MOB1B: variants seen among roughly 807,000 people sequenced by gnomAD.
MOB1B encodes the protein MOB1 Mps One Binder homolog B.
In MOB1B, 19 loss-of-function variants were observed where a neutral mutation model predicts 24.4. The observed-to-expected ratio is 0.78, with a 90% CI of 0.54 to 1.14. MOB1B has a LOEUF of 1.14. Ranked by LOEUF, MOB1B falls within the 50% of genes most tolerant of loss-of-function variation. MOB1B has a pLI of 0.00. For synonymous variants in MOB1B, 76 were observed against 82.1 expected (o/e 0.93, Z 0.40); for missense variants, 243 against 259.6 (o/e 0.94, Z 0.44).
At chr4:70,972,146 C>G (rs565999962) in intron 3 of MOB1B, among the ~76,000 whole-genome samples, 2 of 152,238 alleles carry the variant, frequency 1.3e-5, no homozygotes, top group East Asian at 1.9e-4. Context: ...TTAATAAATG[C>G]TAAGCCCCTT....
intron 1 of MOB1B, among the ~76,000 whole-genome samples, chr4:70,935,108 T>A (rs1737029431): frequency 6.6e-6 from 1 of 152,064 alleles, no homozygotes; most frequent in African/African-American, 2.4e-5. Context: ...TTAAATTTTT[T>A]TGTAGAGATG....
At chr4:70,905,242 CT>C (rs879337441) in intron 1 of MOB1B, among the ~76,000 whole-genome samples, 383 of 143,468 alleles carry the variant, frequency 2.7e-3, no homozygotes, top group Middle Eastern at 3.7e-3. Context: ...AATACTGTTT[CT>C]TTTTTTTTTT....
rs1334766268 is a variant in MOB1B at position 70,976,772 on chromosome 4, A to ATATG, written c.409+1489_409+1490insGTAT. ...GAATTACATATATATATATATATAT[A>ATATG]TATCTCTCTCTCTCAATCATAAGGG... is the stretch of plus-strand genomic sequence containing the variant. On this transcript the variant is annotated intron_variant, in intron 4 of 5. Coordinates refer to ENST00000309395, the MANE Select transcript of MOB1B (RefSeq NM_173468.4). The ATATG allele has an allele frequency of 2.0e-3, 425 of 215,164 alleles. 6 individuals are homozygous for ATATG. Among genetic ancestry groups the ATATG allele is most frequent in the African/African-American group, 8.8e-3 (332 of 37,588 alleles). 13.3% of individuals were successfully genotyped at this position (215,164 alleles called of 1,614,324 possible). A position where few individuals can be genotyped will look rare whatever the true frequency, so the allele number is the denominator to read the frequency against.
At chr4:70,951,891 A>G (rs115567927) in intron 1 of MOB1B, among the ~76,000 whole-genome samples, 89 of 152,330 alleles carry the variant, frequency 5.8e-4, no homozygotes, top group African/African-American at 2.0e-3. Context: ...ACAAAGCACA[A>G]CATTCTCCAT....
At chr4:70,956,201 AGTT>A (rs750880584) in intron 1 of MOB1B, among the ~76,000 whole-genome samples, 1 of 152,140 alleles carries the variant, frequency 6.6e-6, no homozygotes, top group Non-Finnish European at 1.5e-5. Context: ...AAAGTCGCTG[AGTT>A]GTTCTAAGCA....
intron 1 of MOB1B, among the ~76,000 whole-genome samples, chr4:70,914,012 A>G (rs1176622333): frequency 6.6e-6 from 1 of 152,008 alleles, no homozygotes; most frequent in Non-Finnish European, 1.5e-5. Context: ...TGATGGTATT[A>G]GAAGATAGAG....
chr4:70,905,260 A>G (rs563511756), intron 1 of MOB1B, among the ~76,000 whole-genome samples: 162 of 149,250 alleles, frequency 1.1e-3, no homozygotes, highest in African/African-American at 3.8e-3. Context: ...TTTTTTGGAG[A>G]CAGGATCTCA....
intron 1 of MOB1B, 135 bp downstream of exon 1, chr4:70,902,685 G>C (rs1735563817): frequency 1.2e-6 from 1 of 833,248 alleles, no homozygotes; most frequent in African/African-American, 1.9e-5. Flanking sequence ...TCACCACCAA[G>C]CGGGGCCCCG....
Position 70,956,641 on chromosome 4 carries a change from T to G in MOB1B, c.15-2233T>G, listed in dbSNP as rs145778571. Among the ~76,000 whole-genome samples, 294 of 151,812 alleles carry G rather than the reference T, an allele frequency of 1.9e-3. 2 individuals are homozygous for G. Among genetic ancestry groups the G allele is most frequent in the African/African-American group, 6.8e-3 (281 of 41,430 alleles). On this transcript the variant is annotated intron_variant, in intron 1 of 5. Transcript: ENST00000309395. ...AGACAGTTTCACCATGTTGCCCAGA[T>G]TGGCCTGGGCTCAAGCAATCTGCCC...
chr4:70,979,347 C>G (rs1739115180), intron 5 of MOB1B, 56 bp downstream of exon 5: 1 of 1,377,650 alleles, frequency 7.3e-7, no homozygotes, highest in African/African-American at 1.4e-5. Flanking sequence ...CTTCATAGTT[C>G]TAAGGTAAAT....
chr4:70,955,852 CTATT>C (rs1366179773), intron 1 of MOB1B, among the ~76,000 whole-genome samples: 1 of 151,790 alleles, frequency 6.6e-6, no homozygotes, highest in Non-Finnish European at 1.5e-5. Context: ...AGGCATATGT[CTATT>C]TATATTATTA....
chr4:70,936,833 G>T (rs985245413), intron 1 of MOB1B, among the ~76,000 whole-genome samples: 3 of 152,164 alleles, frequency 2.0e-5, no homozygotes, highest in Non-Finnish European at 4.4e-5. Context: ...TTCTAGGGTA[G>T]AAATAATTTT....
intron 2 of MOB1B, among the ~76,000 whole-genome samples, chr4:70,964,965 A>G (rs1318117673): frequency 6.6e-6 from 1 of 151,854 alleles, no homozygotes; most frequent in Non-Finnish European, 1.5e-5. Flanking sequence ...GGTTATCAGT[A>G]AAGAACAGAA....
At chr4:70,963,764 G>A (rs554164962) in intron 2 of MOB1B, among the ~76,000 whole-genome samples, 3 of 152,260 alleles carry the variant, frequency 2.0e-5, no homozygotes, top group East Asian at 3.9e-4. Flanking sequence ...ATGCTGCAGT[G>A]AGTTGTGATT....
chr4:70,922,296 CTT>C (rs1736468292), intron 1 of MOB1B, among the ~76,000 whole-genome samples: 1 of 152,174 alleles, frequency 6.6e-6, no homozygotes, highest in South Asian at 2.1e-4. Flanking sequence ...TCGAAAATAA[CTT>C]TAAGATTTTA....
intron 1 of MOB1B, among the ~76,000 whole-genome samples, chr4:70,945,051 C>G (rs940627681): frequency 1.3e-5 from 2 of 152,140 alleles, no homozygotes; most frequent in Admixed American, 1.3e-4. Flanking sequence ...GGTCCTCTGC[C>G]TTAGTGTTAA....
intron 1 of MOB1B, among the ~76,000 whole-genome samples, chr4:70,905,503 A>G (rs1259620208): frequency 6.6e-6 from 1 of 151,816 alleles, no homozygotes; most frequent in Non-Finnish European, 1.5e-5. Flanking sequence ...TTTGCCTTCC[A>G]AGATGCTGAG....
intron 1 of MOB1B, among the ~76,000 whole-genome samples, chr4:70,947,280 TC>T (rs1277648555): frequency 6.6e-6 from 1 of 152,194 alleles, no homozygotes. Flanking sequence ...TTTTTGTTTT[TC>T]TTTTTAGAAT....
At chr4:70,980,057 T>C (rs907974456) in intron 5 of MOB1B, among the ~76,000 whole-genome samples, 3 of 152,196 alleles carry the variant, frequency 2.0e-5, no homozygotes, top group Non-Finnish European at 4.4e-5. Flanking sequence ...ATTAAACATC[T>C]TGAATTCGTG....
Sources: gnomAD v4.1 joint callset for allele counts (sites outside exome capture counted in the v4.1 genomes callset) on GRCh38, gnomAD v4.1.1 for gene constraint, MANE v1.5 for transcripts, NCBI Gene and HGNC (gene_info 2026-07-23, HGNC 2026-07-21) for gene names.